The following SNF8 variants were observed in gnomAD, a reference collection of about 807,000 sequenced individuals.
SNF8 encodes SNF8 subunit of ESCRT-II, also known as vacuolar-sorting protein SNF8.
SNF8 carries 19 observed loss-of-function variants against 36.8 expected under a neutral mutation model. The observed-to-expected ratio is 0.52, with a 90% confidence interval of 0.36 to 0.76. The LOEUF (loss-of-function observed/expected upper bound fraction) is 0.76, where lower values mean the gene tolerates loss of function less well. Ranked by LOEUF, SNF8 falls within the 30% of genes least tolerant of loss-of-function variation. The pLI is 0.00. For synonymous variants in SNF8, 127 were observed against 127.4 expected, an observed-to-expected ratio of 1.00 and a Z score of 0.02; for missense variants, 268 against 322.9, an observed-to-expected ratio of 0.83 and a Z score of 1.30.
rs1270609961 is a variant in SNF8 at position 48,936,237 on chromosome 17, T to C, written c.355A>G (p.Ile119Val). ...LALKHRNGGL[I>V]TLEELHQQVL... is the part of the protein sequence containing the mutation. ...TGTTGATGTAGTTCCTCCAAAGTTATCAGACCTGTTTGGAGACAGGGAACA... is the reference window on the plus strand; with the variant it reads ...TGTTGATGTAGTTCCTCCAAAGTTACCAGACCTGTTTGGAGACAGGGAACA... The change falls in exon 5 of 8, where the codon ATA (isoleucine) becomes GTA (valine). Residue 119 changes from isoleucine (I) to valine (V), a missense_variant. Physicochemically the swap from Ile to Val is conservative, Grantham distance 29. Coordinates refer to ENST00000502492, the MANE Select transcript of SNF8 (RefSeq NM_007241.4). 1 of 1,613,620 alleles carries C rather than the reference T, an allele frequency of 6.2e-7. No individual in the cohort carries two copies. Among genetic ancestry groups the C allele is most frequent in the East Asian group, 2.2e-5 (1 of 44,874 alleles).
chr17:48,931,853 A>G, intron 6 of SNF8, 136 bp from the exon 7 acceptor site: 2 of 648,722 alleles, frequency 3.1e-6, no homozygotes, highest in African/African-American at 1.8e-5. Flanking sequence ...GAAAATGTTT[A>G]AAGGTTCCAG....
At chr17:48,937,354 G>A (rs1188498289) in intron 3 of SNF8, 3 of 635,596 alleles carry the variant, frequency 4.7e-6, no homozygotes, top group Admixed American at 2.1e-5. Flanking sequence ...CTGGCCGGGC[G>A]CAGTGGCTCA....
chr17:48,938,873 CAA>C (rs1162729148), intron 3 of SNF8, among the ~76,000 whole-genome samples: 10 of 102,700 alleles, frequency 9.7e-5, no homozygotes, highest in Admixed American at 1.0e-4. Context: ...GACTCCGTCT[CAA>C]AAAAAAAAAA....
At chr17:48,937,280 C>T (rs748433348) in intron 3 of SNF8, 156 bp from the exon 4 acceptor site, 11 of 709,428 alleles carry the variant, frequency 1.6e-5, no homozygotes, top group Admixed American at 8.4e-5. Flanking sequence ...ATCGGACTCA[C>T]GGTAACTCCT....
rs2143787493 is a variant in SNF8 at position 48,930,287 on chromosome 17, T to C, written c.*188A>G. 2 of 567,164 alleles carry C rather than the reference T, an allele frequency of 3.5e-6. No individual in the cohort carries two copies. Among genetic ancestry groups the C allele is most frequent in the Non-Finnish European group, 6.0e-6 (2 of 333,292 alleles). 35.1% of individuals were successfully genotyped at this position (567,164 alleles called of 1,614,324 possible). A position where few individuals can be genotyped will look rare whatever the true frequency, so the allele number is the denominator to read the frequency against. On this transcript the variant is annotated 3_prime_UTR_variant, in exon 8 of 8. Coordinates refer to ENST00000502492, the MANE Select transcript of SNF8 (RefSeq NM_007241.4). Reference sequence around the variant, plus strand: ...GTTCTCTGTGTTAATCAGATTATGCTTACTGAACGAGCGAGGTTTTCCTCC... The same window carrying C: ...GTTCTCTGTGTTAATCAGATTATGCCTACTGAACGAGCGAGGTTTTCCTCC...
Position 48,930,617 on chromosome 17 carries a change from A to G in SNF8, c.640-5T>C. 1 of 1,612,564 alleles carries G rather than the reference A, an allele frequency of 6.2e-7. No homozygotes were observed. The highest frequency in any genetic ancestry group is 1.3e-5 in the African/African-American group (1 of 75,008). ...CCCTTCCTTCAGCAGGTGTTCCTGG[A>G]GGGAAAAGGGAAGAAGAGCAGTTTG... On this transcript the variant is annotated splice_region_variant and splice_polypyrimidine_tract_variant and intron_variant, in intron 7 of 7. Transcript: ENST00000502492.
chr17:48,931,184 C>T (rs4793993), intron 7 of SNF8, among the ~76,000 whole-genome samples: 42,528 of 152,112 alleles, frequency 0.28, 6,222 homozygotes, highest in Admixed American at 0.41. Flanking sequence ...GGAGTTCTTA[C>T]ATTGCTCCCT....
intron 2 of SNF8, among the ~76,000 whole-genome samples, chr17:48,941,398 T>C (rs1391921392): frequency 6.6e-6 from 1 of 152,212 alleles, no homozygotes. Context: ...TATAATGTGG[T>C]ATTCCTTTTC....
chr17:48,932,955 A>G, intron 6 of SNF8: 1 of 394,238 alleles, frequency 2.5e-6, no homozygotes, highest in Non-Finnish European at 4.5e-6. Context: ...ATGTCTGTCT[A>G]CCTGACTAGA....
At chr17:48,933,458 T>G (rs2040890081) in intron 5 of SNF8, 112 bp from the exon 6 acceptor site, 1 of 1,249,842 alleles carries the variant, frequency 8.0e-7, no homozygotes, top group Non-Finnish European at 1.1e-6. Context: ...ACTGCACAAC[T>G]GCCAGGCGCA....
chr17:48,937,840 C>T (rs1271957363), intron 3 of SNF8, among the ~76,000 whole-genome samples: 1 of 151,588 alleles, frequency 6.6e-6, no homozygotes, highest in African/African-American at 2.4e-5. Context: ...GCAAGAGAAT[C>T]GCTTGAACCC....
chr17:48,931,068 G>A (rs1256551546), intron 7 of SNF8, among the ~76,000 whole-genome samples: 1 of 152,070 alleles, frequency 6.6e-6, no homozygotes, highest in Non-Finnish European at 1.5e-5. Flanking sequence ...CAAAATGGGT[G>A]GTTTCTGTCC....
intron 4 of SNF8, chr17:48,936,553 GTTTTC>G (rs969321545): frequency 2.4e-5 from 8 of 328,770 alleles, no homozygotes; most frequent in African/African-American, 1.7e-4. Flanking sequence ...ATGGTTTTAA[GTTTTC>G]TTTCTGTAAC....
At chr17:48,941,563 G>A (rs1205056059) in intron 2 of SNF8, among the ~76,000 whole-genome samples, 1 of 152,062 alleles carries the variant, frequency 6.6e-6, no homozygotes, top group Non-Finnish European at 1.5e-5. Context: ...ACATGAATCT[G>A]TTTATAACCT....
At chr17:48,936,304 G>C (rs927684608) in intron 4 of SNF8, 62 bp from the exon 5 acceptor site, 4 of 1,338,460 alleles carry the variant, frequency 3.0e-6, no homozygotes, top group Non-Finnish European at 4.3e-6. Flanking sequence ...TAAGTTGACA[G>C]TCATTACAAT....
chr17:48,940,119 G>T (rs1598091711), intron 3 of SNF8, among the ~76,000 whole-genome samples: 2 of 149,134 alleles, frequency 1.3e-5, no homozygotes, highest in East Asian at 4.0e-4. Flanking sequence ...AGGTCTTGCT[G>T]CAGCCTCAAC....
At chr17:48,939,900 C>G (rs1378899360) in intron 3 of SNF8, among the ~76,000 whole-genome samples, 1 of 151,594 alleles carries the variant, frequency 6.6e-6, no homozygotes, top group Non-Finnish European at 1.5e-5. Flanking sequence ...CATGGTGAAA[C>G]CTCCTCTCTA....
At chr17:48,934,315 CTT>C (rs869207502) in intron 5 of SNF8, among the ~76,000 whole-genome samples, 23 of 142,758 alleles carry the variant, frequency 1.6e-4, no homozygotes, top group Admixed American at 2.8e-4. Flanking sequence ...TATCACTTTC[CTT>C]TTTTTTTTTT....
At chr17:48,944,569 A>G in intron 1 of SNF8, 112 bp downstream of exon 1, 1 of 1,205,972 alleles carries the variant, frequency 8.3e-7, no homozygotes. Flanking sequence ...GGGGCCGAGA[A>G]GCCAGTCTCA....
Sources: gnomAD v4.1 joint callset for allele counts (sites outside exome capture counted in the v4.1 genomes callset) on GRCh38, gnomAD v4.1.1 for gene constraint, MANE v1.5 for transcripts, NCBI Gene and HGNC (gene_info 2026-07-23, HGNC 2026-07-21) for gene names.